Variants in MTMR10 observed in about 807,000 individuals in gnomAD.
The protein encoded by MTMR10 is myotubularin-related protein 10.
A neutral mutation model predicts 88.1 loss-of-function variants in MTMR10; 56 were observed. That is an observed-to-expected ratio of 0.64 (90% CI 0.51 to 0.79). MTMR10 has a LOEUF of 0.79. MTMR10 is among the 30% of genes least tolerant of loss of function. The pLI is 0.00. For missense variants in MTMR10, 883 were observed against 924.7 expected (o/e 0.95, Z 0.58); for synonymous variants, 380 against 340.9 (o/e 1.11, Z -1.26).
chr15:30,919,913 C>A, the MTMR10 span, among the ~76,000 whole-genome samples: 1 of 151,954 alleles, frequency 6.6e-6, no homozygotes, highest in Non-Finnish European at 1.5e-5. Context: ...CCCATGTTGT[C>A]CAGGGGTCAG....
At chr15:30,925,261 C>T in the MTMR10 span, 1 of 1,614,120 alleles carries the variant, frequency 6.2e-7, no homozygotes, top group Non-Finnish European at 8.5e-7. Flanking sequence ...TCCAGCAGCT[C>T]CCAGAAATGG....
At chr15:30,989,758 TG>T (rs1307939245) in intron 2 of MTMR10, among the ~76,000 whole-genome samples, 39 of 147,134 alleles carry the variant, frequency 2.7e-4, no homozygotes, top group Admixed American at 2.6e-3. Context: ...AATTTTTTTT[TG>T]TATTTTTAGT....
rs117703986 is a variant in MTMR10, at chr15:30,956,693, T to C, written c.936-1800A>G. Reference sequence around the variant, plus strand: ...AGGTTGGACAAAAAAGAGGATCTGTTCTACTTATGAAGAATAGGATAGCTG... The same window carrying C: ...AGGTTGGACAAAAAAGAGGATCTGTCCTACTTATGAAGAATAGGATAGCTG... On this transcript the variant is annotated intron_variant, in intron 9 of 15. Transcript: ENST00000435680. Among the ~76,000 whole-genome samples, 130 of 152,342 alleles carry C rather than the reference T, an allele frequency of 8.5e-4. 7 individuals are homozygous for C. The East Asian group carries it at 0.023, about 27-fold the overall frequency.
chr15:30,926,533 A>C, the MTMR10 span: 1 of 665,636 alleles, frequency 1.5e-6, no homozygotes, highest in African/African-American at 2.0e-5. Flanking sequence ...CAACCACAAG[A>C]TAGGAGTTTA....
intron 5 of MTMR10, among the ~76,000 whole-genome samples, chr15:30,972,601 T>A (rs549188432): frequency 6.6e-6 from 1 of 152,206 alleles, no homozygotes. Context: ...GCACTTATTA[T>A]GCTCTGTTCA....
chr15:30,930,147 A>G, the MTMR10 span, among the ~76,000 whole-genome samples: 3 of 151,118 alleles, frequency 2.0e-5, no homozygotes, highest in Admixed American at 6.7e-5. Flanking sequence ...TGCCTTTGCC[A>G]CCCCTGAGTT....
In MTMR10 at chr15:30,939,268, G is replaced by A. The variant is rs1448538192; in HGVS notation, c.*2202C>T. 15 of 985,282 alleles carry A rather than the reference G, an allele frequency of 1.5e-5. No individual in the cohort carries two copies. Among genetic ancestry groups the A allele is most frequent in the Admixed American group, 6.1e-5 (1 of 16,270 alleles). 61.0% of individuals were successfully genotyped at this position (985,282 alleles called of 1,614,324 possible). A position where few individuals can be genotyped will look rare whatever the true frequency, so the allele number is the denominator to read the frequency against. The stretch of plus-strand genomic sequence containing the variant: ...ACAGCAAGACACTGTACACCTTTAC[G>A]TTCAATACTAGAAATTTCACCCAGT... On this transcript the variant is annotated 3_prime_UTR_variant, in exon 16 of 16. Transcript: ENST00000435680.
chr15:30,989,319 T>C lies in MTMR10; in HGVS notation c.121+1458A>G, dbSNP rs144184089. Among the ~76,000 whole-genome samples, 747 of 152,324 alleles carry C rather than the reference T, an allele frequency of 4.9e-3. 6 individuals carry two copies. The highest frequency in any genetic ancestry group is 0.017 in the African/African-American group (706 of 41,562). ...GTACAAATGATTAATTAGTACACAC[T>C]GTTGAGTGAAAAGCACTAACAAAAT... is the stretch of plus-strand genomic sequence containing the variant. On this transcript the variant is annotated intron_variant, in intron 2 of 15. Coordinates refer to ENST00000435680, the MANE Select transcript of MTMR10 (RefSeq NM_017762.3).
the MTMR10 span, chr15:30,924,955 A>G: frequency 3.2e-6 from 2 of 627,390 alleles, no homozygotes; most frequent in Admixed American, 3.4e-5. Flanking sequence ...GATGCATTGA[A>G]ATCCTCAGAA....
chr15:30,965,056 T>C (rs1284072535), intron 6 of MTMR10, among the ~76,000 whole-genome samples: 1 of 152,208 alleles, frequency 6.6e-6, no homozygotes, highest in African/African-American at 2.4e-5. Flanking sequence ...AAGTGGTTCT[T>C]AACTGGGAGA....
At position 30,940,786 on chromosome 15, in the gene MTMR10, T is replaced by C. The variant is rs1376321785; in HGVS notation, c.*684A>G. The C allele has an allele frequency of 2.0e-6, 2 of 986,710 alleles. No homozygotes were observed. Among genetic ancestry groups the C allele is most frequent in the Non-Finnish European group, 2.4e-6 (2 of 830,636 alleles). The allele number at this position is 986,710 out of a possible 1,614,324, so 61.1% of individuals were successfully genotyped here. The stretch of plus-strand genomic sequence containing the variant: ...CCCAATTTTAAAAAGTGAAATTATA[T>C]TTTCTTCTGTAATATTTGTATCCTA... On this transcript the variant is annotated 3_prime_UTR_variant, in exon 16 of 16. Coordinates refer to ENST00000435680, the MANE Select transcript of MTMR10 (RefSeq NM_017762.3).
At chr15:30,924,378 T>C in the MTMR10 span, among the ~76,000 whole-genome samples, 1 of 152,218 alleles carries the variant, frequency 6.6e-6, no homozygotes, top group Non-Finnish European at 1.5e-5. Context: ...CCTGTGGTGA[T>C]TCTGTGTTGA....
chr15:30,984,223 T>C (rs1217729800), intron 2 of MTMR10, among the ~76,000 whole-genome samples: 2 of 152,196 alleles, frequency 1.3e-5, no homozygotes, highest in African/African-American at 2.4e-5. Context: ...TCATGAACGG[T>C]GTTGACAACG....
intron 2 of MTMR10, among the ~76,000 whole-genome samples, chr15:30,986,021 G>A (rs1414282051): frequency 1.3e-5 from 2 of 152,110 alleles, no homozygotes; most frequent in Non-Finnish European, 2.9e-5. Context: ...ATTTTTCAGA[G>A]GATGGTGGAA....
the MTMR10 span, among the ~76,000 whole-genome samples, chr15:30,922,991 TTCTTTGTGTGGC>T: frequency 4.8e-4 from 73 of 152,140 alleles, no homozygotes; most frequent in Non-Finnish European, 1.0e-3. Flanking sequence ...GCAACAGTGG[TTCTTTGTGTGGC>T]CGCCAGCAGG....
chr15:30,961,274 C>T (rs932356643), intron 6 of MTMR10, among the ~76,000 whole-genome samples: 1 of 151,940 alleles, frequency 6.6e-6, no homozygotes, highest in Admixed American at 6.6e-5. Flanking sequence ...CGTTCTGTCG[C>T]CCAGGCTGGA....
the MTMR10 span, among the ~76,000 whole-genome samples, chr15:30,933,926 G>A: frequency 6.6e-6 from 1 of 151,912 alleles, no homozygotes; most frequent in Non-Finnish European, 1.5e-5. Context: ...ATGCCCAGCT[G>A]ATTTTTTTTA....
chr15:30,941,584 T>A lies in MTMR10; in HGVS notation c.2220A>T (p.Pro740=), dbSNP rs1187399127. ...TGCACAGATTCCCTACAGGAGAAAA[T>A]GGAAATGAGGAGGAGAGAAACTCCG... ...GTPEFLSSSF[P]FSPVGNLCRR... is the part of the protein sequence containing the mutation. The change falls in exon 16 of 16, where the codon CCA becomes CCT. Residue 740 remains proline (P), a synonymous_variant. Transcript: ENST00000435680. 3 of 1,599,814 alleles carry A rather than the reference T, an allele frequency of 1.9e-6. No individual in the cohort carries two copies. Among genetic ancestry groups the A allele is most frequent in the East Asian group, 4.5e-5 (2 of 44,416 alleles).
chr15:30,946,031 C>T (rs2140996487), intron 14 of MTMR10, among the ~76,000 whole-genome samples: 1 of 152,336 alleles, frequency 6.6e-6, no homozygotes, highest in East Asian at 1.9e-4. Context: ...AGTGGCAATG[C>T]TGGACAATCT....
Sources: allele counts gnomAD v4.1 joint callset (sites outside exome capture counted in the v4.1 genomes callset), GRCh38; gene constraint gnomAD v4.1.1; transcripts MANE v1.5; gene names NCBI Gene and HGNC (gene_info 2026-07-23, HGNC 2026-07-21).